DAB1: variants seen among roughly 807,000 people sequenced by gnomAD.
DAB1 encodes the protein DAB adaptor protein 1.
Under a neutral mutation model 64.6 loss-of-function variants are expected in DAB1, and 15 were observed. The ratio of observed to expected loss-of-function variants is 0.23; its 90% CI spans 0.16 to 0.36. The LOEUF is 0.36. DAB1 is among the 10% of genes least tolerant of loss of function. The pLI is 1.00. For missense variants in DAB1, 596 were observed against 706.7 expected, an observed-to-expected ratio of 0.84 and a Z score of 1.78; for synonymous variants, 235 against 251.9, an observed-to-expected ratio of 0.93 and a Z score of 0.64.
At chr1:58,017,049 A>G (rs1005812861) in intron 5 of DAB1, among the ~76,000 whole-genome samples, 4 of 152,106 alleles carry the variant, frequency 2.6e-5, no homozygotes, top group Non-Finnish European at 5.9e-5. Flanking sequence ...TCATGGTGGC[A>G]CAGTGGGGGC....
rs565550622 is a variant in DAB1 at position 58,464,632 on chromosome 1, A to G, written n.257+41428T>C. On this transcript the variant is annotated intron_variant and non_coding_transcript_variant, in intron 3 of 20. Transcript: ENST00000485760. The stretch of plus-strand genomic sequence containing the variant: ...TCCCTCATCTATCGGATATAGCATC[A>G]ATATAACACAAAGATATAGCACTAG... Among the ~76,000 whole-genome samples, 4 of 152,364 alleles carry G rather than the reference A, an allele frequency of 2.6e-5. No homozygotes were observed. The East Asian group carries it at 7.7e-4, about 29-fold the overall frequency.
rs1478381423 is a variant in DAB1 at position 57,217,164 on chromosome 1, ATGGG to A, written c.68-71739_68-71736del. On this transcript the variant is annotated intron_variant, in intron 2 of 14. Transcript: ENST00000371236. ...GAAAATAAATTATCTTTCAGAAGGG[ATGGG>A]ATCACTCTTAGTTTCCTCCTGAAAT... Among the ~76,000 whole-genome samples the A allele has an allele frequency of 1.6e-4, 25 of 152,328 alleles. No homozygotes were observed. In the Middle Eastern group the frequency reaches 0.01, roughly 62 times the overall value.
At chr1:57,791,897 G>T (rs1650618471) in intron 6 of DAB1, among the ~76,000 whole-genome samples, 1 of 152,114 alleles carries the variant, frequency 6.6e-6, no homozygotes, top group Non-Finnish European at 1.5e-5. Flanking sequence ...ACTTCTTCTT[G>T]TCTGGATTCA....
chr1:57,962,284 T>C (rs1047767672), intron 5 of DAB1, among the ~76,000 whole-genome samples: 48 of 152,212 alleles, frequency 3.2e-4, no homozygotes, highest in African/African-American at 1.2e-3. Context: ...CTGCCTGGTA[T>C]ATAACTTCTC....
intron 7 of DAB1, among the ~76,000 whole-genome samples, chr1:57,484,661 A>G (rs1644066892): frequency 6.6e-6 from 1 of 152,190 alleles, no homozygotes; most frequent in Non-Finnish European, 1.5e-5. Flanking sequence ...GAATGAGGCC[A>G]GAGCTGGAGA....
chr1:58,158,468 AG>A (rs1323525383), intron 4 of DAB1, among the ~76,000 whole-genome samples: 1 of 152,186 alleles, frequency 6.6e-6, no homozygotes, highest in Non-Finnish European at 1.5e-5. Flanking sequence ...GTCCACATCC[AG>A]GATGGTCCCC....
intron 5 of DAB1, among the ~76,000 whole-genome samples, chr1:57,898,878 A>G (rs1489812387): frequency 6.6e-6 from 1 of 152,130 alleles, no homozygotes; most frequent in African/African-American, 2.4e-5. Context: ...GCGTGCGTGT[A>G]TGCGCGTGCA....
intron 2 of DAB1, among the ~76,000 whole-genome samples, chr1:57,272,738 G>A (rs533947240): frequency 6.6e-6 from 1 of 152,256 alleles, no homozygotes; most frequent in East Asian, 1.9e-4. Context: ...TGTGTTAAGA[G>A]AGTGAGTTTA....
chr1:57,351,357 G>A (rs547861217), intron 1 of DAB1, among the ~76,000 whole-genome samples: 1 of 152,116 alleles, frequency 6.6e-6, no homozygotes, highest in Non-Finnish European at 1.5e-5. Context: ...TCATTTGGGG[G>A]TATGAAGGAA....
chr1:58,519,836 AAG>A (rs1217738807), intron 2 of DAB1, among the ~76,000 whole-genome samples: 1 of 152,244 alleles, frequency 6.6e-6, no homozygotes, highest in African/African-American at 2.4e-5. Context: ...AAATTTATAA[AAG>A]AGCATCAAAG....
rs539433021 is a variant in DAB1, at chr1:57,642,492, T to C, written n.625+7100A>G. On this transcript the variant is annotated intron_variant and non_coding_transcript_variant, in intron 7 of 20. Coordinates refer to the DAB1 transcript ENST00000485760. ...ATGTCTCCCCTCTACTCTACCTCTTTGCTCAGCCTTCTTGATCTGAGCTTA... is the reference window on the plus strand; with the variant it reads ...ATGTCTCCCCTCTACTCTACCTCTTCGCTCAGCCTTCTTGATCTGAGCTTA... Among the ~76,000 whole-genome samples the C allele has an allele frequency of 3.9e-5, 6 of 152,346 alleles. No homozygotes were observed. In the East Asian group the frequency reaches 1.2e-3, roughly 29 times the overall value.
intron 4 of DAB1, among the ~76,000 whole-genome samples, chr1:58,338,354 C>A (rs1017879051): frequency 6.6e-6 from 1 of 152,122 alleles, no homozygotes; most frequent in Non-Finnish European, 1.5e-5. Context: ...TCTGACCCTG[C>A]TGGAGTCCTT....
At chr1:57,620,696 G>A (rs1359095674) in intron 7 of DAB1, among the ~76,000 whole-genome samples, 1 of 152,156 alleles carries the variant, frequency 6.6e-6, no homozygotes, top group East Asian at 1.9e-4. Flanking sequence ...TCTCAGGCCA[G>A]CAGCAGCAGG....
At chr1:57,798,873 A>G (rs1237926459) in intron 6 of DAB1, among the ~76,000 whole-genome samples, 1 of 152,178 alleles carries the variant, frequency 6.6e-6, no homozygotes, top group Non-Finnish European at 1.5e-5. Context: ...ACTTTGGGGG[A>G]AGGTATTACA....
chr1:58,261,802 C>T (rs549222999), intron 4 of DAB1, among the ~76,000 whole-genome samples: 32 of 152,312 alleles, frequency 2.1e-4, no homozygotes, highest in African/African-American at 6.5e-4. Flanking sequence ...AGCAATCCTC[C>T]TGTCTTGGCC....
At position 57,845,136 on chromosome 1, in the gene DAB1, T is replaced by C. The variant is rs115524330; in HGVS notation, n.88-18681A>G. Among the ~76,000 whole-genome samples the C allele has an allele frequency of 8.0e-3, 1,225 of 152,260 alleles. 13 individuals are homozygous for C. Among genetic ancestry groups the C allele is most frequent in the African/African-American group, 0.029 (1,188 of 41,530 alleles). On this transcript the variant is annotated intron_variant and non_coding_transcript_variant, in intron 1 of 1. Coordinates refer to the DAB1 transcript ENST00000477280. ...CCCAGTCTCATTCATGATATGGCCC[T>C]TAGAAAACCTCTAAGTTAAATCTGA...
intron 1 of DAB1, among the ~76,000 whole-genome samples, chr1:57,298,242 TG>T (rs1165442605): frequency 1.3e-5 from 2 of 152,054 alleles, no homozygotes; most frequent in African/African-American, 4.8e-5. Context: ...AATAGGAAAA[TG>T]TAAGGCTTTG....
chr1:57,164,007 G>A (rs1325562425), intron 2 of DAB1, among the ~76,000 whole-genome samples: 1 of 152,112 alleles, frequency 6.6e-6, no homozygotes, highest in Non-Finnish European at 1.5e-5. Flanking sequence ...TCTTGATTAA[G>A]TTTCAGTGCC....
At chr1:57,729,843 T>A (rs984503596) in intron 6 of DAB1, among the ~76,000 whole-genome samples, 8 of 152,180 alleles carry the variant, frequency 5.3e-5, no homozygotes, top group Non-Finnish European at 1.2e-4. Context: ...AGAGGATCGC[T>A]TGAGGCCAGG....
Sources: allele counts gnomAD v4.1 joint callset (sites outside exome capture counted in the v4.1 genomes callset), GRCh38; gene constraint gnomAD v4.1.1; transcripts MANE v1.5; gene names NCBI Gene and HGNC (gene_info 2026-07-23, HGNC 2026-07-21).